The following ATP10B variants were observed in gnomAD, a reference collection of about 807,000 sequenced individuals.
ATP10B encodes phospholipid-transporting ATPase VB.
ATP10B carries 122 observed loss-of-function variants against 141.2 expected under a neutral mutation model. The ratio of observed to expected loss-of-function variants is 0.86; its 90% confidence interval spans 0.75 to 1.00. The LOEUF is 1.00. Ranked by LOEUF, ATP10B falls within the 50% of genes least tolerant of loss-of-function variation. The probability of loss-of-function intolerance (pLI) is 0.00; values close to 1 mark genes in which losing one functional copy is unlikely to be tolerated. For synonymous variants in ATP10B, 685 were observed against 692.0 expected (o/e 0.99, Z 0.16); for missense variants, 1,876 against 1,825.3 (o/e 1.03, Z -0.51).
intron 1 of ATP10B, among the ~76,000 whole-genome samples, chr5:160,827,634 C>T (rs572600422): frequency 6.6e-6 from 1 of 152,126 alleles, no homozygotes; most frequent in South Asian, 2.1e-4. Flanking sequence ...GGGGACTTAG[C>T]CAAAAATTCT....
the ATP10B span, among the ~76,000 whole-genome samples, chr5:160,908,357 A>G: frequency 1.3e-5 from 2 of 152,126 alleles, no homozygotes; most frequent in Non-Finnish European, 2.9e-5. Flanking sequence ...ATAATAATTG[A>G]TATTAGAAAA....
At chr5:160,598,689 C>T in intron 22 of ATP10B, 81 bp downstream of exon 22, 2 of 1,335,974 alleles carry the variant, frequency 1.5e-6, no homozygotes, top group Admixed American at 1.9e-5. Context: ...GCATACAGCT[C>T]TTTCTCTGAT....
At chr5:160,833,792 C>T (rs945052020) in intron 1 of ATP10B, among the ~76,000 whole-genome samples, 2 of 152,082 alleles carry the variant, frequency 1.3e-5, no homozygotes, top group African/African-American at 4.8e-5. Flanking sequence ...AAATCAATTA[C>T]ATTTGGCAGT....
intron 1 of ATP10B, among the ~76,000 whole-genome samples, chr5:160,836,474 T>C (rs1473190010): frequency 6.6e-6 from 1 of 152,164 alleles, no homozygotes; most frequent in East Asian, 1.9e-4. Context: ...CTGCTGTGAA[T>C]GACTGTCACA....
At chr5:160,793,059 A>T (rs1771696458) in intron 1 of ATP10B, among the ~76,000 whole-genome samples, 1 of 152,148 alleles carries the variant, frequency 6.6e-6, no homozygotes, top group Admixed American at 6.5e-5. Flanking sequence ...AATATTTTTA[A>T]TCGGGAGTAT....
At chr5:160,896,310 A>G in the ATP10B span, among the ~76,000 whole-genome samples, 2 of 151,286 alleles carry the variant, frequency 1.3e-5, no homozygotes, top group Non-Finnish European at 3.0e-5. Context: ...CACTAGCCAG[A>G]TTATTAAGAG....
At chr5:160,616,095 TC>T (rs1757981338) in intron 16 of ATP10B, 131 bp from the exon 17 acceptor site, 43 of 886,516 alleles carry the variant, frequency 4.9e-5, no homozygotes, top group Non-Finnish European at 6.5e-5. Flanking sequence ...GGCTTTCTTC[TC>T]AAAGACTTTT....
intron 8 of ATP10B, among the ~76,000 whole-genome samples, chr5:160,645,450 C>T (rs192959720): frequency 4.4e-4 from 67 of 152,376 alleles, no homozygotes; most frequent in African/African-American, 1.5e-3. Context: ...CACTCGGCCT[C>T]TTTCCTGTAC....
At chr5:160,583,462 C>T (rs1403340499) in intron 24 of ATP10B, among the ~76,000 whole-genome samples, 1 of 152,200 alleles carries the variant, frequency 6.6e-6, no homozygotes, top group African/African-American at 2.4e-5. Flanking sequence ...CAGAGGGGCA[C>T]CCACCAGATG....
At chr5:160,688,598 T>C (rs1022653180) in intron 4 of ATP10B, among the ~76,000 whole-genome samples, 162 bp downstream of exon 4, 1 of 152,254 alleles carries the variant, frequency 6.6e-6, no homozygotes, top group Non-Finnish European at 1.5e-5. Flanking sequence ...AGGAACACTA[T>C]TCTTTCTATA....
chr5:160,565,373 A>T lies in ATP10B; in HGVS notation c.*80T>A, dbSNP rs532074742. The T allele has an allele frequency of 5.1e-6, 7 of 1,366,738 alleles. No individual in the cohort carries two copies. The African/African-American group carries it at 7.2e-5, about 14-fold the overall frequency. 84.7% of individuals were successfully genotyped at this position (1,366,738 alleles called of 1,614,324 possible). A position where few individuals can be genotyped will look rare whatever the true frequency, so the allele number is the denominator to read the frequency against. On this transcript the variant is annotated 3_prime_UTR_variant, in exon 26 of 26. Transcript: ENST00000327245. The stretch of plus-strand genomic sequence containing the variant: ...ATAAGACTGGCACATTGTTTCCTCT[A>T]TGAAGAAGAAGGGGTCAAGGGTTAT...
chr5:160,866,422 A>G, the ATP10B span, among the ~76,000 whole-genome samples: 1,773 of 152,182 alleles, frequency 0.012, 31 homozygotes, highest in Non-Finnish European at 0.013. Flanking sequence ...GCTTATCATC[A>G]CAGTATTTTG....
At chr5:160,654,138 A>G (rs866067299) in intron 7 of ATP10B, among the ~76,000 whole-genome samples, 2 of 150,520 alleles carry the variant, frequency 1.3e-5, no homozygotes, top group Admixed American at 6.7e-5. Flanking sequence ...GTGTGTATGT[A>G]TATGTTATAG....
intron 21 of ATP10B, among the ~76,000 whole-genome samples, chr5:160,600,170 C>T (rs1319866409): frequency 5.3e-5 from 8 of 152,024 alleles, no homozygotes; most frequent in South Asian, 2.1e-4. Context: ...AGTAGTACTA[C>T]GTTATTGTAC....
intron 1 of ATP10B, among the ~76,000 whole-genome samples, chr5:160,792,692 C>T (rs1027015063): frequency 6.6e-6 from 1 of 152,142 alleles, no homozygotes; most frequent in Admixed American, 6.6e-5. Context: ...AGATTGCCTA[C>T]CCACCTTTGG....
At chr5:160,796,865 C>T (rs928245312) in intron 1 of ATP10B, among the ~76,000 whole-genome samples, 4 of 152,096 alleles carry the variant, frequency 2.6e-5, no homozygotes, top group African/African-American at 9.7e-5. Flanking sequence ...CTCTTCCAAG[C>T]CAGCTGTCTG....
rs547128017 is a variant in ATP10B at position 160,795,251 on chromosome 5, TCTTA to T, written c.-575-9452_-575-9449del. Among the ~76,000 whole-genome samples, 67 of 152,328 alleles carry T rather than the reference TCTTA, an allele frequency of 4.4e-4. 2 individuals are homozygous for T. In the South Asian group the frequency reaches 0.013, roughly 31 times the overall value. On this transcript the variant is annotated intron_variant, in intron 1 of 25. Transcript: ENST00000327245. ...GGATATCTCAATTGCAAAATATCTT[TCTTA>T]AAGTTTCACAGCTACCTAGACAAGA...
chr5:160,848,121 CA>C (rs1776237096), intron 1 of ATP10B, among the ~76,000 whole-genome samples: 1 of 152,096 alleles, frequency 6.6e-6, no homozygotes, highest in African/African-American at 2.4e-5. Context: ...TGTGTAAATA[CA>C]TATTAGTTAA....
intron 11 of ATP10B, 108 bp downstream of exon 11, chr5:160,636,074 C>A: frequency 7.9e-7 from 1 of 1,262,918 alleles, no homozygotes; most frequent in Non-Finnish European, 1.1e-6. Flanking sequence ...TCATCTCAAT[C>A]CAGTTTGTAC....
Sources: gnomAD v4.1 joint callset for allele counts (sites outside exome capture counted in the v4.1 genomes callset) on GRCh38, gnomAD v4.1.1 for gene constraint, MANE v1.5 for transcripts, NCBI Gene and HGNC (gene_info 2026-07-23, HGNC 2026-07-21) for gene names.